The following MMD2 variants were observed in gnomAD, a reference collection of about 807,000 sequenced individuals.
MMD2 encodes monocyte to macrophage differentiation associated 2.
MMD2 carries 30 observed loss-of-function variants against 33.5 expected under a neutral mutation model. That is an observed-to-expected ratio of 0.90 (90% CI 0.67 to 1.22). The LOEUF (loss-of-function observed/expected upper bound fraction) is 1.22. MMD2 is among the 50% of genes most tolerant of loss of function. The pLI, the probability that MMD2 is intolerant of heterozygous loss-of-function variation, is 0.00. For missense variants in MMD2, 364 were observed against 325.4 expected (o/e 1.12, Z -0.91); for synonymous variants, 129 against 123.0 (o/e 1.05, Z -0.32).
intron 1 of MMD2, among the ~76,000 whole-genome samples, chr7:4,954,897 G>A (rs1254544222): frequency 6.6e-6 from 1 of 152,064 alleles, no homozygotes; most frequent in Non-Finnish European, 1.5e-5. Flanking sequence ...TGTCTTTTCT[G>A]TATGGTGTGA....
the MMD2 span, among the ~76,000 whole-genome samples, chr7:4,898,534 T>A: frequency 6.6e-6 from 1 of 152,090 alleles, no homozygotes; most frequent in East Asian, 1.9e-4. Context: ...TAAGATTGGA[T>A]GGTGCTGGGA....
intron 2 of MMD2, 78 bp from the exon 3 acceptor site, chr7:4,920,409 A>G: frequency 6.7e-7 from 1 of 1,481,796 alleles, no homozygotes; most frequent in Non-Finnish European, 9.2e-7. Flanking sequence ...TCCCCGGCTG[A>G]GCTGCCCAAC....
chr7:4,956,247 AC>A (rs1786378894), intron 1 of MMD2, among the ~76,000 whole-genome samples: 1 of 151,024 alleles, frequency 6.6e-6, no homozygotes. Context: ...ACATAGTGAG[AC>A]CCCATCTTTA....
chr7:4,943,694 G>A (rs1785974990), intron 1 of MMD2, among the ~76,000 whole-genome samples: 1 of 152,202 alleles, frequency 6.6e-6, no homozygotes, highest in African/African-American at 2.4e-5. Context: ...ACCTCCCTGA[G>A]CTTGTAGCCC....
chr7:4,958,305 C>A (rs1454043718), intron 1 of MMD2, among the ~76,000 whole-genome samples: 1 of 152,176 alleles, frequency 6.6e-6, no homozygotes, highest in Non-Finnish European at 1.5e-5. Context: ...CTCCCCACGC[C>A]CACCTTCTTC....
At chr7:4,943,878 T>A (rs1481375823) in intron 1 of MMD2, among the ~76,000 whole-genome samples, 1 of 151,878 alleles carries the variant, frequency 6.6e-6, no homozygotes, top group Non-Finnish European at 1.5e-5. Context: ...CACAGCTCAC[T>A]GCAGCCTCAA....
intron 2 of MMD2, among the ~76,000 whole-genome samples, chr7:4,923,989 G>T (rs1013315431): frequency 6.6e-6 from 1 of 152,042 alleles, no homozygotes; most frequent in African/African-American, 2.4e-5. Flanking sequence ...TCAGGAGATC[G>T]AGACCATTCT....
At chr7:4,919,092 C>A (rs1332368786) in intron 3 of MMD2, among the ~76,000 whole-genome samples, 1 of 151,296 alleles carries the variant, frequency 6.6e-6, no homozygotes, top group African/African-American at 2.4e-5. Flanking sequence ...GAGTGAGACC[C>A]CATCTCAAAA....
chr7:4,928,921 C>T (rs988400056), intron 1 of MMD2, among the ~76,000 whole-genome samples: 1 of 151,944 alleles, frequency 6.6e-6, no homozygotes, highest in Non-Finnish European at 1.5e-5. Context: ...GTGCTGGCTC[C>T]ACGCTAGTAC....
At chr7:4,897,100 TC>T in the MMD2 span, among the ~76,000 whole-genome samples, 1 of 151,782 alleles carries the variant, frequency 6.6e-6, no homozygotes, top group Non-Finnish European at 1.5e-5. Flanking sequence ...CCTCAAGTTA[TC>T]CCCCTCCTTA....
At chr7:4,911,001 C>G in intron 5 of MMD2, 144 bp downstream of exon 5, 1 of 679,150 alleles carries the variant, frequency 1.5e-6, no homozygotes, top group Non-Finnish European at 2.4e-6. Context: ...CTGGTGGCCA[C>G]CCATGAGCCT....
rs201028936 is a variant in MMD2, at chr7:4,936,608, G to A, written c.48-11076C>T. ...GGGTTTCACTGTGTTGCTCAGGCTG[G>A]TTTTGAACTCATGGGCTAAAGCAAT... On this transcript the variant is annotated intron_variant, in intron 1 of 6. Coordinates refer to ENST00000401401, the MANE Select transcript of MMD2 (RefSeq NM_198403.4). Among the ~76,000 whole-genome samples, 3 of 152,188 alleles carry A rather than the reference G, an allele frequency of 2.0e-5. No homozygotes were observed. In the East Asian group the frequency reaches 5.8e-4, roughly 29 times the overall value.
chr7:4,920,069 G>A lies in MMD2; in HGVS notation c.290+102C>T, dbSNP rs1469222526. 2.3e-5 allele frequency: 30 copies of A among 1,331,262 alleles called. No individual in the cohort carries two copies. The East Asian group carries it at 3.8e-4, about 17-fold the overall frequency. 82.5% of individuals were successfully genotyped at this position (1,331,262 alleles called of 1,614,324 possible). A position where few individuals can be genotyped will look rare whatever the true frequency, so the allele number is the denominator to read the frequency against. On this transcript the variant is annotated intron_variant, in intron 3 of 6. Transcript: ENST00000401401. ...AGCCCCTCCCAGCTCAGTGGAGAAT[G>A]TCACCAGGCAGACCGGATATCCTGG...
rs545481552 is a variant in MMD2 at position 4,949,108 on chromosome 7, G to C, written c.47+9863C>G. ...ACCTATAACCCCAGCTACTCGGGAC[G>C]CTGAGGAAGGAGAATCACTTGAGCC... On this transcript the variant is annotated intron_variant, in intron 1 of 6. Coordinates refer to ENST00000401401, the MANE Select transcript of MMD2 (RefSeq NM_198403.4). 4.6e-5 allele frequency among the ~76,000 whole-genome samples: 7 copies of C among 152,208 alleles called. No individual in the cohort carries two copies. In the East Asian group the frequency reaches 1.2e-3, roughly 25 times the overall value.
the MMD2 span, among the ~76,000 whole-genome samples, chr7:4,899,666 G>C: frequency 6.6e-6 from 1 of 152,156 alleles, no homozygotes; most frequent in Non-Finnish European, 1.5e-5. Flanking sequence ...AAAGTGCTGG[G>C]ATTACAGGCT....
chr7:4,924,497 G>T lies in MMD2; in HGVS notation c.129+954C>A, dbSNP rs542590787. Among the ~76,000 whole-genome samples, 31 of 152,348 alleles carry T rather than the reference G, an allele frequency of 2.0e-4. No individual in the cohort carries two copies. In the South Asian group the frequency reaches 6.2e-3, roughly 31 times the overall value. On this transcript the variant is annotated intron_variant, in intron 2 of 6. Transcript: ENST00000401401. ...TTCTGTTTGAACTCATGTCTGCATTGCCAGGGCCTGGAGCACTGCCTGCTG... is the reference window on the plus strand; with the variant it reads ...TTCTGTTTGAACTCATGTCTGCATTTCCAGGGCCTGGAGCACTGCCTGCTG...
intron 1 of MMD2, among the ~76,000 whole-genome samples, chr7:4,939,094 C>T (rs529353464): frequency 9.9e-5 from 15 of 152,110 alleles, no homozygotes; most frequent in African/African-American, 3.1e-4. Flanking sequence ...CCCAGCCACT[C>T]GGGAGACTGA....
chr7:4,939,663 G>C (rs189860023), intron 1 of MMD2, among the ~76,000 whole-genome samples: 2 of 151,934 alleles, frequency 1.3e-5, no homozygotes, highest in African/African-American at 2.4e-5. Flanking sequence ...GCTTTCAGAA[G>C]AAATAAGGAC....
At chr7:4,912,578 G>C (rs1474852800) in intron 4 of MMD2, among the ~76,000 whole-genome samples, 1 of 150,374 alleles carries the variant, frequency 6.7e-6, no homozygotes, top group Non-Finnish European at 1.5e-5. Context: ...AAAAAAAAGG[G>C]ATAACGGTCA....
Sources: gnomAD v4.1 joint callset for allele counts (sites outside exome capture counted in the v4.1 genomes callset) on GRCh38, gnomAD v4.1.1 for gene constraint, MANE v1.5 for transcripts, NCBI Gene and HGNC (gene_info 2026-07-23, HGNC 2026-07-21) for gene names.